The following DST variants were observed in gnomAD, a reference collection of about 807,000 sequenced individuals.
DST encodes the protein bullous pemphigoid antigen.
In DST, 253 loss-of-function variants were observed where a neutral mutation model predicts 875.2. The observed-to-expected ratio is 0.29, with a 90% confidence interval of 0.26 to 0.32. The LOEUF (loss-of-function observed/expected upper bound fraction) is 0.32. Among genes scored for constraint, DST ranks in the 10% least tolerant of loss-of-function variants. The probability of loss-of-function intolerance (pLI) is 1.00; values close to 1 mark genes in which losing one functional copy is unlikely to be tolerated. For synonymous variants in DST, 3,124 were observed against 3,197.1 expected, an observed-to-expected ratio of 0.98 and a Z score of 0.77; for missense variants, 8,287 against 9,111.6, an observed-to-expected ratio of 0.91 and a Z score of 3.68.
rs536965072 is a variant in DST at position 56,781,811 on chromosome 6, G to C, written c.626-46522C>G. ...TCCCTGTCTTGTGCCAGTTTTCAAA[G>C]GGAATGCTTCCAGTTTTTGCCCATT... is the stretch of plus-strand genomic sequence containing the variant. On this transcript the variant is annotated intron_variant, in intron 4 of 103. Transcript: ENST00000680361. Among the ~76,000 whole-genome samples the C allele has an allele frequency of 1.6e-3, 241 of 152,186 alleles. 1 individual carries two copies. The highest frequency in any genetic ancestry group is 5.2e-3 in the African/African-American group (217 of 41,510).
intron 91 of DST, 47 bp from the exon 92 acceptor site, chr6:56,476,384 A>G: frequency 6.9e-7 from 1 of 1,441,266 alleles, no homozygotes. Flanking sequence ...AACTTAGTAA[A>G]ATAATTGCAG....
intron 4 of DST, among the ~76,000 whole-genome samples, chr6:56,821,975 AC>A (rs1162304178): frequency 6.8e-6 from 1 of 147,392 alleles, no homozygotes; most frequent in Admixed American, 6.7e-5. Flanking sequence ...CACTTTATCC[AC>A]GTTTATTAAG....
chr6:56,609,200 G>A lies in DST; in HGVS notation c.5428C>T (p.Pro1810Ser). 1 of 1,613,798 alleles carries A rather than the reference G, an allele frequency of 6.2e-7. No homozygotes were observed. Among genetic ancestry groups the A allele is most frequent in the Non-Finnish European group, 8.5e-7 (1 of 1,179,774 alleles). ...TQLMISGLIS[P>S]ELRKCFDLKD... The stretch of plus-strand genomic sequence containing the variant: ...AGGTCAAAGCACTTTCTTAATTCTG[G>A]TGAAATTAGACCAGAAATCATTAGC... Residue 1810 changes from proline to serine, a missense_variant, in exon 40 of 104, where the codon CCA becomes TCA. Pro to Ser is a moderately conservative substitution (Grantham distance 74). Coordinates refer to ENST00000680361, the MANE Select transcript of DST (RefSeq NM_001374736.1).
Position 56,606,056 on chromosome 6 carries a change from T to A in DST, c.8572A>T (p.Ile2858Phe), listed in dbSNP as rs1327485843. ...SDENENINTM[I>F]LLDKMHSCSS... is the part of the protein sequence containing the mutation. The stretch of plus-strand genomic sequence containing the variant: ...CAACTGTGCATTTTATCCAGAAGAA[T>A]CATTGTATTAATATTTTCATTTTCA... Residue 2858 changes from isoleucine to phenylalanine, a missense_variant, in exon 40 of 104, where the codon ATT (isoleucine) becomes TTT (phenylalanine). Physicochemically the swap from Ile to Phe is conservative, Grantham distance 21 (BLOSUM62 0). Around this residue, in one of 10 missense-constraint regions of DST, gnomAD observed 3,138 missense variants for 3,116.6 expected, o/e 1.01. Transcript: ENST00000680361. The A allele has an allele frequency of 1.2e-6, 2 of 1,612,942 alleles. No homozygotes were observed. The highest frequency in any genetic ancestry group is 1.7e-6 in the Non-Finnish European group (2 of 1,179,270).
chr6:56,732,452 T>C (rs2099504237), intron 5 of DST, among the ~76,000 whole-genome samples: 1 of 152,188 alleles, frequency 6.6e-6, no homozygotes, highest in South Asian at 2.1e-4. Flanking sequence ...TCCAGAAACA[T>C]TTATAATTTT....
chr6:56,539,916 T>A (rs2097095281), intron 61 of DST, among the ~76,000 whole-genome samples: 1 of 152,280 alleles, frequency 6.6e-6, no homozygotes, highest in South Asian at 2.1e-4. Flanking sequence ...GCTTAATAAA[T>A]CCAATATAAT....
intron 5 of DST, among the ~76,000 whole-genome samples, chr6:56,729,347 T>C (rs1021286836): frequency 9.2e-5 from 14 of 152,086 alleles, no homozygotes; most frequent in Non-Finnish European, 1.3e-4. Context: ...TCCCAGCAGT[T>C]TGGGAGGCTG....
rs370228845 is a variant in DST at position 56,830,505 on chromosome 6, T to TC, written c.625+20891dup. Among the ~76,000 whole-genome samples, 838 of 152,340 alleles carry TC rather than the reference T, an allele frequency of 5.5e-3. 6 individuals carry two copies. The highest frequency in any genetic ancestry group is 0.019 in the African/African-American group (791 of 41,584). On this transcript the variant is annotated intron_variant, in intron 4 of 103. Coordinates refer to ENST00000680361, the MANE Select transcript of DST (RefSeq NM_001374736.1). ...TGTCATAAGTTTTCTTTCCATATTT[T>TC]CCCCAAGTACTTACATGGTTCCTCC...
At chr6:56,676,462 AG>A (rs2099130664) in intron 9 of DST, among the ~76,000 whole-genome samples, 3 of 152,300 alleles carry the variant, frequency 2.0e-5, no homozygotes, top group African/African-American at 7.2e-5. Context: ...AACAGTATAG[AG>A]GTGCCCAAAA....
chr6:56,731,514 T>G (rs1021687711), intron 5 of DST, among the ~76,000 whole-genome samples: 2 of 152,242 alleles, frequency 1.3e-5, no homozygotes, highest in African/African-American at 4.8e-5. Flanking sequence ...TTATGCTAGG[T>G]TCCTTGAGAT....
At position 56,527,598 on chromosome 6, in the gene DST, G is replaced by A. The variant is rs769643988; in HGVS notation, c.17817C>T (p.His5939=). 20 of 1,613,666 alleles carry A rather than the reference G, an allele frequency of 1.2e-5. No individual in the cohort carries two copies. Among genetic ancestry groups the A allele is most frequent in the South Asian group, 2.2e-5 (2 of 91,078 alleles). ...LQLARRLHST[H]EELCTWLDKV... ...TGTCCAGCCAGGTACACAGCTCTTC[G>A]TGTGTGGAGTGCAGCCGCCTTGCAA... Residue 5939 remains histidine, a synonymous_variant, in exon 68 of 104, where the codon CAC becomes CAT. Coordinates refer to ENST00000680361, the MANE Select transcript of DST (RefSeq NM_001374736.1).
intron 55 of DST, among the ~76,000 whole-genome samples, chr6:56,567,462 G>GCAA (rs1269187475): frequency 7.3e-6 from 1 of 136,786 alleles, no homozygotes; most frequent in Non-Finnish European, 1.6e-5. Flanking sequence ...CAAAGCAACA[G>GCAA]CAACAACAAC....
At chr6:56,486,189 C>T (rs960272860) in intron 87 of DST, among the ~76,000 whole-genome samples, 1 of 151,642 alleles carries the variant, frequency 6.6e-6, no homozygotes, top group Admixed American at 6.6e-5. Context: ...CGGTGAAACC[C>T]CGTCTCTACT....
In DST at chr6:56,645,972, T is replaced by C; in HGVS notation, c.1672A>G (p.Ile558Val). ...LLEIWIEFGR[I>V]KLLQGYHPND... Reference sequence around the variant, plus strand: ...GGATGATAACCTTGAAGGAGCTTGATGCGTCCAAATTCTATCCAAATCTTG... The same window carrying C: ...GGATGATAACCTTGAAGGAGCTTGACGCGTCCAAATTCTATCCAAATCTTG... The change falls in exon 15 of 104, where the codon ATC becomes GTC. Residue 558 changes from isoleucine to valine, a missense_variant. Transcript: ENST00000680361. 6.2e-7 allele frequency: 1 copy of C among 1,613,330 alleles called. No individual in the cohort carries two copies.
intron 88 of DST, chr6:56,483,737 A>G (rs2095476811): frequency 1.3e-5 from 2 of 151,972 alleles, no homozygotes; most frequent in South Asian, 4.2e-4. Context: ...GTGTTTTTAA[A>G]AAAATCATCA....
chr6:56,930,208 ATCTTGGTTTT>A (rs1295690316), intron 2 of DST, among the ~76,000 whole-genome samples: 1 of 152,270 alleles, frequency 6.6e-6, no homozygotes, highest in Non-Finnish European at 1.5e-5. Context: ...CCTATGCCGT[ATCTTGGTTTT>A]TCAGGGCCCT....
rs144626463 is a variant in DST at position 56,816,162 on chromosome 6, A to C, written c.625+35235T>G. On this transcript the variant is annotated intron_variant, in intron 4 of 103. Coordinates refer to ENST00000680361, the MANE Select transcript of DST (RefSeq NM_001374736.1). ...ACTCCCTCAATCTCATTAATATCAC[A>C]ATCTCTCCCCTAAAACTTCCTGCTG... is the stretch of plus-strand genomic sequence containing the variant. 1.6e-3 allele frequency among the ~76,000 whole-genome samples: 239 copies of C among 152,220 alleles called. 1 individual carries two copies. The highest frequency in any genetic ancestry group is 2.7e-3 in the Non-Finnish European group (183 of 68,008).
intron 3 of DST, among the ~76,000 whole-genome samples, chr6:56,885,609 C>G (rs1784367756): frequency 6.6e-6 from 1 of 152,152 alleles, no homozygotes; most frequent in African/African-American, 2.4e-5. Flanking sequence ...GGCTCACCAT[C>G]ATGAATGGGT....
chr6:56,623,600 G>A (rs1269345528), intron 36 of DST, among the ~76,000 whole-genome samples: 2 of 152,198 alleles, frequency 1.3e-5, no homozygotes, highest in Non-Finnish European at 2.9e-5. Flanking sequence ...ACATCCAATA[G>A]ATGTTTACTG....
Sources: allele counts gnomAD v4.1 joint callset (sites outside exome capture counted in the v4.1 genomes callset), GRCh38; gene constraint gnomAD v4.1.1; regional missense constraint gnomAD v4.1.1; transcripts MANE v1.5; gene names NCBI Gene and HGNC (gene_info 2026-07-23, HGNC 2026-07-21).